The following HDHD2 variants were observed in gnomAD, a reference collection of about 807,000 sequenced individuals.
The protein encoded by HDHD2 is haloacid dehalogenase-like hydrolase domain-containing protein 2.
In HDHD2, 26 loss-of-function variants were observed where a neutral mutation model predicts 24.8. The ratio of observed to expected loss-of-function variants is 1.05; its 90% CI spans 0.77 to 1.45. HDHD2 has a LOEUF of 1.45. HDHD2 is among the 40% of genes most tolerant of loss of function. The probability of loss-of-function intolerance (pLI) is 0.00; values close to 1 mark genes in which losing one functional copy is unlikely to be tolerated. For missense variants in HDHD2, 299 were observed against 313.4 expected, an observed-to-expected ratio of 0.95 and a Z score of 0.35; for synonymous variants, 128 against 114.9, an observed-to-expected ratio of 1.11 and a Z score of -0.73.
intron 4 of HDHD2, among the ~76,000 whole-genome samples, chr18:47,126,650 A>G (rs2063661093): frequency 6.6e-6 from 1 of 152,196 alleles, no homozygotes; most frequent in South Asian, 2.1e-4. Context: ...CTCTTCAGGT[A>G]TAACGATATT....
chr18:47,120,674 G>A (rs1456662122), intron 4 of HDHD2, among the ~76,000 whole-genome samples: 2 of 152,116 alleles, frequency 1.3e-5, no homozygotes, highest in Non-Finnish European at 1.5e-5. Flanking sequence ...CTCGGCTTTC[G>A]ACATGCCTTA....
At chr18:47,145,286 A>G (rs1038256296) in intron 1 of HDHD2, among the ~76,000 whole-genome samples, 4 of 152,260 alleles carry the variant, frequency 2.6e-5, no homozygotes, top group African/African-American at 9.6e-5. Flanking sequence ...TTACACCAGT[A>G]CAAATGGCCA....
At chr18:47,118,524 C>T (rs909220480) in intron 4 of HDHD2, among the ~76,000 whole-genome samples, 19 of 152,122 alleles carry the variant, frequency 1.2e-4, no homozygotes, top group African/African-American at 3.4e-4. Context: ...AAGTGGGAGC[C>T]GAGCAATGAG....
intron 6 of HDHD2, chr18:47,110,023 G>C: frequency 9.1e-6 from 9 of 985,370 alleles, no homozygotes; most frequent in Non-Finnish European, 1.1e-5. Context: ...TAGCCACCAG[G>C]GCTGCCTCTG....
chr18:47,118,231 T>A (rs569909592), intron 4 of HDHD2, among the ~76,000 whole-genome samples: 8 of 152,222 alleles, frequency 5.3e-5, no homozygotes, highest in African/African-American at 1.7e-4. Flanking sequence ...AGAAATACCA[T>A]CTGACCCAGT....
intron 1 of HDHD2, among the ~76,000 whole-genome samples, chr18:47,144,588 A>G (rs572235703): frequency 1.4e-4 from 22 of 152,054 alleles, no homozygotes; most frequent in African/African-American, 5.3e-4. Context: ...GCAAATATAA[A>G]CCCTCCCTCA....
intron 1 of HDHD2, among the ~76,000 whole-genome samples, chr18:47,147,233 C>CT (rs1014608762): frequency 6.6e-5 from 10 of 152,158 alleles, no homozygotes; most frequent in Non-Finnish European, 1.3e-4. Flanking sequence ...AAAAAGAAGA[C>CT]TGCAGAGGTT....
At chr18:47,124,433 G>A (rs1480840317) in intron 4 of HDHD2, among the ~76,000 whole-genome samples, 1 of 152,202 alleles carries the variant, frequency 6.6e-6, no homozygotes, top group Non-Finnish European at 1.5e-5. Flanking sequence ...AAGGCCGGGC[G>A]CAGTGGCTCA....
chr18:47,135,182 C>T (rs755828482), intron 2 of HDHD2, among the ~76,000 whole-genome samples: 14 of 151,974 alleles, frequency 9.2e-5, no homozygotes, highest in Non-Finnish European at 2.1e-4. Flanking sequence ...AAGGTAAGCT[C>T]CTTGAAAGAA....
rs768959396 is a variant in HDHD2, at chr18:47,115,365, C to A, written c.396-17G>T. 109 of 1,573,826 alleles carry A rather than the reference C, an allele frequency of 6.9e-5. No homozygotes were observed. Among genetic ancestry groups the A allele is most frequent in the Admixed American group, 3.4e-4 (19 of 55,884 alleles). ...AGGAGTAACCTAGAGAGAACAACAACAAAAAAAACAAATTGGCTAAAAGCA... is the reference window on the plus strand; with the variant it reads ...AGGAGTAACCTAGAGAGAACAACAAAAAAAAAAACAAATTGGCTAAAAGCA... On this transcript the variant is annotated splice_polypyrimidine_tract_variant and intron_variant, in intron 4 of 6. Transcript: ENST00000300605.
intron 1 of HDHD2, among the ~76,000 whole-genome samples, chr18:47,148,605 C>G (rs2144404054): frequency 6.6e-6 from 1 of 152,278 alleles, no homozygotes; most frequent in Middle Eastern, 3.4e-3. Context: ...CATCTCAATC[C>G]AAGTCCTTTC....
At chr18:47,127,675 C>G (rs2063672283) in intron 4 of HDHD2, among the ~76,000 whole-genome samples, 1 of 147,640 alleles carries the variant, frequency 6.8e-6, no homozygotes, top group Non-Finnish European at 1.5e-5. Context: ...CACACCACTG[C>G]ACTCCAGCCT....
chr18:47,146,279 T>C (rs1220503764), intron 1 of HDHD2, among the ~76,000 whole-genome samples: 2 of 144,056 alleles, frequency 1.4e-5, no homozygotes, highest in Non-Finnish European at 3.0e-5. Context: ...TAAATGAAGA[T>C]ACTCAAAGCT....
chr18:47,147,272 C>A (rs183132485), intron 1 of HDHD2, among the ~76,000 whole-genome samples: 60 of 152,194 alleles, frequency 3.9e-4, no homozygotes, highest in African/African-American at 1.3e-3. Context: ...TGTGGTTAAT[C>A]AAATTTCAAC....
chr18:47,119,939 A>G (rs1211086634), intron 4 of HDHD2, among the ~76,000 whole-genome samples: 1 of 152,234 alleles, frequency 6.6e-6, no homozygotes, highest in African/African-American at 2.4e-5. Flanking sequence ...TTGGGTGACC[A>G]GTTGCTTTGT....
rs2063490189 is a variant in HDHD2 at position 47,108,422 on chromosome 18, A to G, written c.*260T>C. The G allele has an allele frequency of 2.9e-6, 1 of 341,162 alleles. No individual in the cohort carries two copies. Among genetic ancestry groups the G allele is most frequent in the Non-Finnish European group, 5.2e-6 (1 of 191,104 alleles). 21.1% of individuals were successfully genotyped at this position (341,162 alleles called of 1,614,324 possible). ...CCCACAGCCCCACCTAACCTGATGA[A>G]TATTTTAAAAGGAATGGCACAAAAT... On this transcript the variant is annotated 3_prime_UTR_variant, in exon 7 of 7. Coordinates refer to ENST00000300605, the MANE Select transcript of HDHD2 (RefSeq NM_032124.5).
At chr18:47,121,518 C>T (rs1470793802) in intron 4 of HDHD2, among the ~76,000 whole-genome samples, 1 of 152,204 alleles carries the variant, frequency 6.6e-6, no homozygotes, top group Non-Finnish European at 1.5e-5. Context: ...AACAGCCTTA[C>T]AACTGGTCTT....
intron 4 of HDHD2, 93 bp downstream of exon 4, chr18:47,130,151 A>G (rs2097187723): frequency 2.7e-6 from 2 of 728,612 alleles, no homozygotes; most frequent in Non-Finnish European, 4.5e-6. Context: ...GGTGGCCAGA[A>G]AGTAAAACAC....
chr18:47,138,587 A>G (rs528080978), intron 1 of HDHD2, among the ~76,000 whole-genome samples: 3 of 152,364 alleles, frequency 2.0e-5, no homozygotes, highest in South Asian at 4.1e-4. Flanking sequence ...TTTGAGAAAA[A>G]TAAGTTAATA....
Sources: gnomAD v4.1 joint callset for allele counts (sites outside exome capture counted in the v4.1 genomes callset) on GRCh38, gnomAD v4.1.1 for gene constraint, MANE v1.5 for transcripts, NCBI Gene and HGNC (gene_info 2026-07-23, HGNC 2026-07-21) for gene names.